Variants in LY9 observed in about 807,000 individuals in gnomAD.
The protein encoded by LY9 is T-lymphocyte surface antigen Ly-9.
LY9 carries 59 observed loss-of-function variants against 64.6 expected under a neutral mutation model. The ratio of observed to expected loss-of-function variants is 0.91; its 90% CI spans 0.74 to 1.13. The LOEUF is 1.13. LY9 is among the 50% of genes most tolerant of loss of function. The pLI, the probability that LY9 is intolerant of heterozygous loss-of-function variation, is 0.00. For missense variants in LY9, 789 were observed against 797.2 expected (o/e 0.99, Z 0.12); for synonymous variants, 281 against 308.5 (o/e 0.91, Z 0.93).
At position 160,808,741 on chromosome 1, in the gene LY9, G is replaced by C. The variant is rs549760544; in HGVS notation, c.455-4895G>C. ...TGGAAAATGTATTTGAAATATGACT[G>C]TTTGTATACTACTTTTGTTCTTCTA... On this transcript the variant is annotated intron_variant, in intron 2 of 9. Coordinates refer to ENST00000263285, the MANE Select transcript of LY9 (RefSeq NM_002348.4). Among the ~76,000 whole-genome samples the C allele has an allele frequency of 3.3e-5, 5 of 152,262 alleles. No homozygotes were observed. The South Asian group carries it at 8.3e-4, about 25-fold the overall frequency.
chr1:160,796,635 C>A (rs1665897169), intron 1 of LY9, among the ~76,000 whole-genome samples: 1 of 152,178 alleles, frequency 6.6e-6, no homozygotes, highest in Non-Finnish European at 1.5e-5. Context: ...TCGTGATCTG[C>A]CCAGCTCAGC....
At chr1:160,826,452 C>A (rs531630365) in intron 9 of LY9, among the ~76,000 whole-genome samples, 2 of 152,240 alleles carry the variant, frequency 1.3e-5, no homozygotes, top group Admixed American at 1.3e-4. Context: ...GAACACTAAG[C>A]GTGTAGGAGT....
chr1:160,808,004 T>A lies in LY9; in HGVS notation c.455-5632T>A, dbSNP rs141198099. Among the ~76,000 whole-genome samples the A allele has an allele frequency of 1.5e-3, 223 of 152,174 alleles. 1 individual carries two copies. Among genetic ancestry groups the A allele is most frequent in the Non-Finnish European group, 2.7e-3 (183 of 67,998 alleles). ...CAGGTGAGGACAGTAGCCGCCACCGTGAGGCCCTGCCACTGGAGAAGGTGA... is the reference window on the plus strand; with the variant it reads ...CAGGTGAGGACAGTAGCCGCCACCGAGAGGCCCTGCCACTGGAGAAGGTGA... On this transcript the variant is annotated intron_variant, in intron 2 of 9. Transcript: ENST00000263285.
At chr1:160,821,704 C>T (rs533520063) in intron 7 of LY9, among the ~76,000 whole-genome samples, 2 of 152,164 alleles carry the variant, frequency 1.3e-5, no homozygotes, top group South Asian at 4.1e-4. Flanking sequence ...GTAGGATAAC[C>T]CTGTGCTCAA....
intron 2 of LY9, 36 bp downstream of exon 2, chr1:160,800,118 CT>C (rs762076498): frequency 1.9e-5 from 29 of 1,534,010 alleles, no homozygotes; most frequent in South Asian, 3.6e-5. Context: ...TTGATCTTTT[CT>C]TTTTTTTATT....
In LY9 at chr1:160,824,952, C is replaced by T. The variant is rs530638925; in HGVS notation, c.1899+703C>T. Among the ~76,000 whole-genome samples the T allele has an allele frequency of 8.0e-4, 118 of 146,778 alleles. 1 individual carries two copies. The highest frequency in any genetic ancestry group is 6.9e-3 in the Admixed American group (102 of 14,798). On this transcript the variant is annotated intron_variant, in intron 9 of 9. Coordinates refer to ENST00000263285, the MANE Select transcript of LY9 (RefSeq NM_002348.4). ...CCAAGTTCGTGCCACTGCACTCCAGCCTGGGCAACAGAACAAGACTCCATC... is the reference window on the plus strand; with the variant it reads ...CCAAGTTCGTGCCACTGCACTCCAGTCTGGGCAACAGAACAAGACTCCATC...
chr1:160,814,382 C>A, intron 3 of LY9, 38 bp from the exon 4 acceptor site: 1 of 1,497,380 alleles, frequency 6.7e-7, no homozygotes, highest in Non-Finnish European at 9.2e-7. Flanking sequence ...GGAGTAGGGA[C>A]AGTGACTGAA....
At chr1:160,819,227 A>G in intron 6 of LY9, 94 bp from the exon 7 acceptor site, 1 of 940,192 alleles carries the variant, frequency 1.1e-6, no homozygotes, top group South Asian at 1.3e-5. Context: ...TATGTCCCAG[A>G]AGTCTCTCCC....
chr1:160,819,519 G>A (rs371607518), intron 7 of LY9, 145 bp downstream of exon 7: 251 of 664,824 alleles, frequency 3.8e-4, no homozygotes, highest in African/African-American at 2.8e-3. Context: ...ACCAGGTGCC[G>A]TGGCTCACAC....
chr1:160,814,842 T>A lies in LY9; in HGVS notation c.1072+81T>A, dbSNP rs1394211207. ...TCTGCTGCCTTCTCCACCTTCCGCT[T>A]CTCCAAGGGTCTTCCCTCATACTGA... On this transcript the variant is annotated intron_variant, in intron 4 of 9. Coordinates refer to ENST00000263285, the MANE Select transcript of LY9 (RefSeq NM_002348.4). 3.6e-6 allele frequency: 4 copies of A among 1,122,554 alleles called. No individual in the cohort carries two copies. In the Admixed American group the frequency reaches 8.4e-5, roughly 24 times the overall value. 69.5% of individuals were successfully genotyped at this position (1,122,554 alleles called of 1,614,324 possible). A position where few individuals can be genotyped will look rare whatever the true frequency, so the allele number is the denominator to read the frequency against.
intron 2 of LY9, among the ~76,000 whole-genome samples, chr1:160,800,467 A>C (rs1666350036): frequency 6.6e-6 from 1 of 152,204 alleles, no homozygotes; most frequent in African/African-American, 2.4e-5. Context: ...TTTTGTGCCT[A>C]GCTTATTTAA....
At chr1:160,823,948 C>T (rs1190592319) in intron 8 of LY9, 152 bp downstream of exon 8, 2 of 778,646 alleles carry the variant, frequency 2.6e-6, no homozygotes, top group East Asian at 2.6e-5. Flanking sequence ...TCCATGTTTA[C>T]CAAACCTTGG....
chr1:160,800,319 T>C, intron 2 of LY9: 1 of 437,754 alleles, frequency 2.3e-6, no homozygotes, highest in South Asian at 3.1e-5. Context: ...TTTAACCCAC[T>C]TCTCTTCATC....
chr1:160,804,766 T>C (rs1666818169), intron 2 of LY9, among the ~76,000 whole-genome samples: 1 of 152,192 alleles, frequency 6.6e-6, no homozygotes, highest in South Asian at 2.1e-4. Flanking sequence ...ATTTCACTAC[T>C]TGTCGTTGGT....
rs779695442 is a variant in LY9 at position 160,827,864 on chromosome 1, G to A, written c.*48G>A. On this transcript the variant is annotated 3_prime_UTR_variant, in exon 10 of 10. Coordinates refer to ENST00000263285, the MANE Select transcript of LY9 (RefSeq NM_002348.4). ...TCTCCTGGGACCGTGGGGTTGGAAAGTCAGCTGGACCTCATGGGGCCTGGG... is the reference window on the plus strand; with the variant it reads ...TCTCCTGGGACCGTGGGGTTGGAAAATCAGCTGGACCTCATGGGGCCTGGG... 5 of 1,519,752 alleles carry A rather than the reference G, an allele frequency of 3.3e-6. No individual in the cohort carries two copies. Among genetic ancestry groups the A allele is most frequent in the Non-Finnish European group, 4.5e-6 (5 of 1,104,290 alleles). The allele number at this position is 1,519,752 out of a possible 1,614,324, so 94.1% of individuals were successfully genotyped here.
At chr1:160,817,979 G>T (rs750872330) in intron 5 of LY9, among the ~76,000 whole-genome samples, 1 of 152,172 alleles carries the variant, frequency 6.6e-6, no homozygotes, top group Non-Finnish European at 1.5e-5. Flanking sequence ...GAAACACTGT[G>T]ACACTGGGCA....
Position 160,805,902 on chromosome 1 carries a change from A to G in LY9, c.454+5820A>G, listed in dbSNP as rs987329307. Among the ~76,000 whole-genome samples the G allele has an allele frequency of 2.0e-4, 29 of 144,640 alleles. 1 individual carries two copies. The highest frequency in any genetic ancestry group is 2.0e-3 in the Admixed American group (29 of 14,684). 94.9% of individuals were successfully genotyped at this position (144,640 alleles called of 152,430 possible). ...GCTGGATTGATCCCTTCATCATTAC[A>G]TAATGGCATTCTTTGTCTTTTTTTT... On this transcript the variant is annotated intron_variant, in intron 2 of 9. Transcript: ENST00000263285.
intron 9 of LY9, chr1:160,824,649 A>C: frequency 1.0e-6 from 1 of 982,712 alleles, no homozygotes; most frequent in African/African-American, 1.7e-5. Flanking sequence ...TGGAAAATAC[A>C]CCACCACCTA....
chr1:160,824,661 A>G (rs1668745525), intron 9 of LY9: 1 of 982,478 alleles, frequency 1.0e-6, no homozygotes, highest in African/African-American at 1.7e-5. Context: ...CACCACCTAC[A>G]GTACATTAGT....
Sources: allele counts gnomAD v4.1 joint callset (sites outside exome capture counted in the v4.1 genomes callset), GRCh38; gene constraint gnomAD v4.1.1; transcripts MANE v1.5; gene names NCBI Gene and HGNC (gene_info 2026-07-23, HGNC 2026-07-21).